The following NRXN3 variants were observed in gnomAD, a reference collection of about 807,000 sequenced individuals.
The protein encoded by NRXN3 is neurexin III.
NRXN3 carries 32 observed loss-of-function variants against 137.6 expected under a neutral mutation model. The observed-to-expected ratio is 0.23, with a 90% CI of 0.18 to 0.31. NRXN3 has a LOEUF of 0.31. Ranked by LOEUF, NRXN3 falls within the 10% of genes least tolerant of loss-of-function variation. The probability of loss-of-function intolerance (pLI) is 1.00; values close to 1 mark genes in which losing one functional copy is unlikely to be tolerated. For missense variants in NRXN3, 1,574 were observed against 2,062.5 expected, an observed-to-expected ratio of 0.76 and a Z score of 4.59; for synonymous variants, 798 against 784.5, an observed-to-expected ratio of 1.02 and a Z score of -0.29.
intron 4 of NRXN3, among the ~76,000 whole-genome samples, chr14:78,378,322 T>C (rs1404561897): frequency 1.3e-5 from 2 of 151,984 alleles, no homozygotes; most frequent in Non-Finnish European, 2.9e-5. Flanking sequence ...TCGTTTCCAC[T>C]AAAAATACAA....
At chr14:78,676,464 C>T (rs1008889111) in intron 6 of NRXN3, among the ~76,000 whole-genome samples, 1 of 151,996 alleles carries the variant, frequency 6.6e-6, no homozygotes, top group Non-Finnish European at 1.5e-5. Context: ...AGAGCAATGC[C>T]CTAATGCTTG....
intron 16 of NRXN3, among the ~76,000 whole-genome samples, chr14:79,522,507 A>G (rs943620707): frequency 6.6e-6 from 1 of 152,156 alleles, no homozygotes; most frequent in African/African-American, 2.4e-5. Flanking sequence ...ACTACCTTCC[A>G]ATGTAGCAGG....
chr14:79,853,990 T>C, intron 20 of NRXN3: 1 of 987,964 alleles, frequency 1.0e-6, no homozygotes, highest in Admixed American at 6.1e-5. Context: ...TTTTTCTTTT[T>C]ATGTTATGTG....
At chr14:78,608,468 A>G (rs2097271211) in intron 4 of NRXN3, among the ~76,000 whole-genome samples, 1 of 152,172 alleles carries the variant, frequency 6.6e-6, no homozygotes, top group Non-Finnish European at 1.5e-5. Context: ...ACAGATTTGT[A>G]TTTATTTACA....
chr14:78,659,223 G>A (rs1418023261), intron 6 of NRXN3, among the ~76,000 whole-genome samples: 1 of 152,132 alleles, frequency 6.6e-6, no homozygotes, highest in Admixed American at 6.5e-5. Context: ...TAAGAACAGA[G>A]GCTTCAGAAG....
In NRXN3 at chr14:78,326,256, G is replaced by A. The variant is rs565409630; in HGVS notation, c.757+28396G>A. Reference sequence around the variant, plus strand: ...GAGTACCTATAGAATGATATCTGTGGCCATACCTCATCTCTACACTGACCC... The same window carrying A: ...GAGTACCTATAGAATGATATCTGTGACCATACCTCATCTCTACACTGACCC... On this transcript the variant is annotated intron_variant, in intron 4 of 20. Coordinates refer to ENST00000335750, the MANE Select transcript of NRXN3 (RefSeq NM_001330195.2). Among the ~76,000 whole-genome samples the A allele has an allele frequency of 1.1e-4, 16 of 152,276 alleles. 1 individual carries two copies. In the South Asian group the frequency reaches 3.3e-3, roughly 32 times the overall value.
intron 4 of NRXN3, among the ~76,000 whole-genome samples, chr14:78,567,614 G>A (rs1215856795): frequency 1.3e-5 from 2 of 152,144 alleles, no homozygotes; most frequent in African/African-American, 4.8e-5. Context: ...TGTAAACAAC[G>A]CCAGGCAGGA....
intron 16 of NRXN3, among the ~76,000 whole-genome samples, chr14:79,483,329 A>G (rs2096625505): frequency 6.6e-6 from 1 of 152,232 alleles, no homozygotes; most frequent in Admixed American, 6.5e-5. Flanking sequence ...ACCACATTAC[A>G]TAATGGATAT....
chr14:78,546,578 G>A (rs2096638647), intron 4 of NRXN3, among the ~76,000 whole-genome samples: 1 of 151,974 alleles, frequency 6.6e-6, no homozygotes, highest in Admixed American at 6.6e-5. Flanking sequence ...CCTTTAAAAA[G>A]TGTGTTTAGT....
At chr14:79,040,146 G>A (rs1471373351) in intron 15 of NRXN3, among the ~76,000 whole-genome samples, 1 of 152,104 alleles carries the variant, frequency 6.6e-6, no homozygotes, top group Non-Finnish European at 1.5e-5. Flanking sequence ...TTTGGATATT[G>A]GTTACCTTGT....
chr14:78,378,111 T>C (rs1170185931), intron 4 of NRXN3, among the ~76,000 whole-genome samples: 1 of 152,176 alleles, frequency 6.6e-6, no homozygotes, highest in Admixed American at 6.5e-5. Flanking sequence ...TAATAACAGA[T>C]TGATAGCAGG....
chr14:78,830,198 C>A (rs1174888356), intron 10 of NRXN3, among the ~76,000 whole-genome samples: 1 of 152,106 alleles, frequency 6.6e-6, no homozygotes, highest in Non-Finnish European at 1.5e-5. Context: ...ATAAGGCTGA[C>A]ATTATCATTT....
intron 4 of NRXN3, among the ~76,000 whole-genome samples, chr14:78,430,632 G>A (rs2093842166): frequency 1.3e-5 from 2 of 152,188 alleles, no homozygotes; most frequent in African/African-American, 2.4e-5. Flanking sequence ...GACCCTCATA[G>A]CGAGTGGTCC....
chr14:79,044,698 AACACACACACAC>A (rs61363440), intron 15 of NRXN3, among the ~76,000 whole-genome samples: 7 of 150,112 alleles, frequency 4.7e-5, no homozygotes, highest in Admixed American at 6.7e-5. Context: ...CTCAAAAGTG[AACACACACACAC>A]ACACACACAC....
intron 15 of NRXN3, among the ~76,000 whole-genome samples, chr14:79,363,683 A>C (rs766758284): frequency 6.6e-6 from 1 of 152,200 alleles, no homozygotes; most frequent in African/African-American, 2.4e-5. Context: ...ATTTGATTTC[A>C]AAGCAGTACT....
At chr14:78,558,106 G>A (rs1171726312) in intron 4 of NRXN3, among the ~76,000 whole-genome samples, 2 of 152,136 alleles carry the variant, frequency 1.3e-5, no homozygotes, top group African/African-American at 4.8e-5. Flanking sequence ...CCAGAGTTTG[G>A]GACCTTCACA....
chr14:79,071,658 C>A (rs760272714), intron 15 of NRXN3, among the ~76,000 whole-genome samples: 42 of 151,972 alleles, frequency 2.8e-4, no homozygotes, highest in Non-Finnish European at 5.1e-4. Context: ...AGGATGGTTA[C>A]CAGAGGCTGG....
rs199939712 is a variant in NRXN3, at chr14:79,754,589, CAT to C, written c.4015-50515_4015-50514del. ...GCACACATACACACACACACACACA[CAT>C]ATATATACACACACATACACACACA... On this transcript the variant is annotated intron_variant, in intron 19 of 20. Transcript: ENST00000335750. Among the ~76,000 whole-genome samples the C allele has an allele frequency of 1.6e-3, 216 of 133,252 alleles. No individual in the cohort carries two copies. In the East Asian group the frequency reaches 0.038, roughly 24 times the overall value. 87.4% of individuals were successfully genotyped at this position (133,252 alleles called of 152,430 possible).
rs1421056171 is a variant in NRXN3 at position 79,669,218 on chromosome 14, G to A, written c.3616+5269G>A. The A allele has an allele frequency of 2.6e-5, 4 of 152,134 alleles. No homozygotes were observed. In the East Asian group the frequency reaches 5.8e-4, roughly 22 times the overall value. The allele number at this position is 152,134 out of a possible 1,614,324, so 9.4% of individuals were successfully genotyped here. ...AAAACAGAGAGAGCAGAGTCCTGCAGAGGGAATAAGAAGTATAAATACAAT... is the reference window on the plus strand; with the variant it reads ...AAAACAGAGAGAGCAGAGTCCTGCAAAGGGAATAAGAAGTATAAATACAAT... On this transcript the variant is annotated intron_variant, in intron 17 of 20. Coordinates refer to ENST00000335750, the MANE Select transcript of NRXN3 (RefSeq NM_001330195.2).
Sources: allele counts gnomAD v4.1 joint callset (sites outside exome capture counted in the v4.1 genomes callset), GRCh38; gene constraint gnomAD v4.1.1; transcripts MANE v1.5; gene names NCBI Gene and HGNC (gene_info 2026-07-23, HGNC 2026-07-21).